Variants in COL8A1 observed in about 807,000 individuals in gnomAD.
COL8A1 encodes the protein collagen type VIII alpha 1 chain.
Under a neutral mutation model 42.7 loss-of-function variants are expected in COL8A1, and 21 were observed. The ratio of observed to expected loss-of-function variants is 0.49; its 90% CI spans 0.35 to 0.71. The LOEUF (loss-of-function observed/expected upper bound fraction) is 0.71, where lower values mean the gene tolerates loss of function less well. Ranked by LOEUF, COL8A1 falls within the 30% of genes least tolerant of loss-of-function variation. The pLI is 0.01. For missense variants in COL8A1, 788 were observed against 962.4 expected, an observed-to-expected ratio of 0.82 and a Z score of 2.40; for synonymous variants, 367 against 369.1, an observed-to-expected ratio of 0.99 and a Z score of 0.06.
intron 1 of COL8A1, among the ~76,000 whole-genome samples, chr3:99,676,983 C>T (rs1432365939): frequency 6.6e-6 from 1 of 151,532 alleles, no homozygotes; most frequent in Non-Finnish European, 1.5e-5. Context: ...TTTGGGAGGC[C>T]AAGGCAGGTG....
intron 1 of COL8A1, among the ~76,000 whole-genome samples, chr3:99,697,432 C>A (rs1293559147): frequency 6.6e-6 from 1 of 152,120 alleles, no homozygotes; most frequent in Non-Finnish European, 1.5e-5. Context: ...AAGTTTATGA[C>A]TCAGAATTAA....
At chr3:99,766,568 C>T (rs1236087909) in intron 2 of COL8A1, among the ~76,000 whole-genome samples, 1 of 152,180 alleles carries the variant, frequency 6.6e-6, no homozygotes, top group Non-Finnish European at 1.5e-5. Context: ...ATATAATCAA[C>T]CTCAAGGAAA....
chr3:99,791,759 A>C (rs1942005157), intron 3 of COL8A1, among the ~76,000 whole-genome samples: 1 of 152,168 alleles, frequency 6.6e-6, no homozygotes, highest in South Asian at 2.1e-4. Context: ...TAGTCCCTAC[A>C]ATGGCAGGAA....
At chr3:99,650,321 G>A (rs770607273) in intron 1 of COL8A1, among the ~76,000 whole-genome samples, 1 of 152,176 alleles carries the variant, frequency 6.6e-6, no homozygotes, top group Non-Finnish European at 1.5e-5. Flanking sequence ...TATTGAATAA[G>A]TCAGGACTGT....
At chr3:99,669,066 T>C (rs1938450146) in intron 1 of COL8A1, among the ~76,000 whole-genome samples, 1 of 148,230 alleles carries the variant, frequency 6.7e-6, no homozygotes, top group Non-Finnish European at 1.5e-5. Flanking sequence ...AAAATTCAAC[T>C]GGAGAAAGAT....
chr3:99,658,817 T>G (rs1938111826), intron 1 of COL8A1, among the ~76,000 whole-genome samples: 1 of 152,176 alleles, frequency 6.6e-6, no homozygotes, highest in Non-Finnish European at 1.5e-5. Context: ...AGACAGGCCC[T>G]TAGCAATAAT....
intron 2 of COL8A1, among the ~76,000 whole-genome samples, chr3:99,764,541 T>A (rs1361484814): frequency 1.3e-5 from 2 of 152,248 alleles, no homozygotes; most frequent in Non-Finnish European, 2.9e-5. Context: ...AACCTGGAGG[T>A]AGATTCCCTG....
intron 1 of COL8A1, among the ~76,000 whole-genome samples, chr3:99,709,298 T>A (rs544057390): frequency 6.6e-6 from 1 of 152,252 alleles, no homozygotes; most frequent in African/African-American, 2.4e-5. Flanking sequence ...CATATACACA[T>A]GAAAGTTGGA....
chr3:99,704,235 T>A (rs1939617991), intron 1 of COL8A1, among the ~76,000 whole-genome samples: 1 of 152,102 alleles, frequency 6.6e-6, no homozygotes. Context: ...TGTCTAAAAA[T>A]TGAATGAATA....
intron 1 of COL8A1, among the ~76,000 whole-genome samples, chr3:99,655,682 A>G (rs1026407811): frequency 3.9e-5 from 6 of 152,260 alleles, no homozygotes; most frequent in Non-Finnish European, 8.8e-5. Flanking sequence ...ATTGAGGACA[A>G]AAAGTAAATC....
chr3:99,743,070 A>G (rs967715888), intron 1 of COL8A1, among the ~76,000 whole-genome samples: 1 of 152,226 alleles, frequency 6.6e-6, no homozygotes, highest in African/African-American at 2.4e-5. Flanking sequence ...AGAGAGGCAC[A>G]AAAATTACTT....
Position 99,672,484 on chromosome 3 carries a change from T to A in COL8A1, c.-129+33820T>A, listed in dbSNP as rs192322174. Reference sequence around the variant, plus strand: ...CTTTAATTCATCTCTTGAGGTTTTTTAAAAATTTTATAAAACATTTTCTTT... The same window carrying A: ...CTTTAATTCATCTCTTGAGGTTTTTAAAAAATTTTATAAAACATTTTCTTT... On this transcript the variant is annotated intron_variant, in intron 1 of 3. Coordinates refer to ENST00000652472, the MANE Select transcript of COL8A1 (RefSeq NM_020351.4). Among the ~76,000 whole-genome samples, 5 of 151,814 alleles carry A rather than the reference T, an allele frequency of 3.3e-5. 1 individual carries two copies. In the South Asian group the frequency reaches 6.2e-4, roughly 19 times the overall value.
intron 2 of COL8A1, among the ~76,000 whole-genome samples, chr3:99,785,060 C>T: frequency 6.6e-6 from 1 of 152,192 alleles, no homozygotes; most frequent in East Asian, 1.9e-4. Context: ...TCCCTTCCTC[C>T]ACCACTAATA....
intron 1 of COL8A1, among the ~76,000 whole-genome samples, chr3:99,668,662 G>A (rs1938437818): frequency 6.6e-6 from 1 of 151,900 alleles, no homozygotes; most frequent in Admixed American, 6.6e-5. Flanking sequence ...CTCAGAACTT[G>A]AATGAAAAGA....
intron 1 of COL8A1, among the ~76,000 whole-genome samples, chr3:99,671,339 G>A (rs1013095572): frequency 2.0e-5 from 3 of 151,854 alleles, no homozygotes; most frequent in Non-Finnish European, 4.4e-5. Context: ...CTCTTGATGT[G>A]TACATCAGTT....
intron 1 of COL8A1, among the ~76,000 whole-genome samples, chr3:99,736,092 CA>C (rs1940705699): frequency 2.0e-5 from 3 of 152,008 alleles, no homozygotes; most frequent in Admixed American, 2.0e-4. Flanking sequence ...TTGATCCTTT[CA>C]AAAACCCAGC....
chr3:99,690,301 A>T (rs1208064453), intron 1 of COL8A1, among the ~76,000 whole-genome samples: 1 of 152,234 alleles, frequency 6.6e-6, no homozygotes, highest in Non-Finnish European at 1.5e-5. Context: ...ATATATATTA[A>T]TCAGTCAGTC....
chr3:99,762,622 C>G (rs1456159629), intron 2 of COL8A1, among the ~76,000 whole-genome samples: 1 of 152,188 alleles, frequency 6.6e-6, no homozygotes. Context: ...AAACTCTATC[C>G]ACAGCCTCCA....
chr3:99,732,297 T>G (rs548737836), intron 1 of COL8A1, among the ~76,000 whole-genome samples: 2 of 152,280 alleles, frequency 1.3e-5, no homozygotes, highest in South Asian at 4.1e-4. Flanking sequence ...TCCAGGTGTA[T>G]TAGTCCCTTC....
Sources: allele counts gnomAD v4.1 joint callset (sites outside exome capture counted in the v4.1 genomes callset), GRCh38; gene constraint gnomAD v4.1.1; transcripts MANE v1.5; gene names NCBI Gene and HGNC (gene_info 2026-07-23, HGNC 2026-07-21).